HCN1: variants seen among roughly 807,000 people sequenced by gnomAD.
HCN1 encodes the protein hyperpolarization activated cyclic nucleotide gated potassium channel 1.
A neutral mutation model predicts 78.9 loss-of-function variants in HCN1; 13 were observed. That is an observed-to-expected ratio of 0.16 (90% CI 0.11 to 0.26). The LOEUF (loss-of-function observed/expected upper bound fraction) is 0.26. HCN1 is among the 10% of genes least tolerant of loss of function. The pLI is 1.00. For missense variants in HCN1, 810 were observed against 1,154.3 expected (o/e 0.70, Z 4.32); for synonymous variants, 552 against 455.5 (o/e 1.21, Z -2.70).
At chr5:45,666,931 A>G (rs1746062189) in intron 1 of HCN1, among the ~76,000 whole-genome samples, 1 of 152,016 alleles carries the variant, frequency 6.6e-6, no homozygotes. Flanking sequence ...GGGGGTGGGA[A>G]TGATTAAGGA....
chr5:45,563,052 T>A (rs1743636532), intron 2 of HCN1, among the ~76,000 whole-genome samples: 1 of 152,214 alleles, frequency 6.6e-6, no homozygotes, highest in Non-Finnish European at 1.5e-5. Flanking sequence ...CATTTTGAAG[T>A]TTTTTTCTGA....
intron 2 of HCN1, among the ~76,000 whole-genome samples, chr5:45,487,944 A>G (rs1381795993): frequency 6.6e-6 from 1 of 152,158 alleles, no homozygotes; most frequent in Non-Finnish European, 1.5e-5. Context: ...ATAAAACACA[A>G]TGGATTTTCA....
At chr5:45,496,297 C>T (rs1742028327) in intron 2 of HCN1, among the ~76,000 whole-genome samples, 2 of 149,982 alleles carry the variant, frequency 1.3e-5, no homozygotes, top group South Asian at 2.1e-4. Context: ...TTGGTCTATT[C>T]AGAGATTCAA....
chr5:45,373,140 A>G (rs1207982550), intron 4 of HCN1, among the ~76,000 whole-genome samples: 8 of 127,206 alleles, frequency 6.3e-5, no homozygotes, highest in African/African-American at 2.4e-4. Context: ...AATATATAGT[A>G]TATAATATAT....
At position 45,441,517 on chromosome 5, in the gene HCN1, G is replaced by T. The variant is rs376710367; in HGVS notation, c.1011+20329C>A. ...CAAATTGATCCTGTGGTATGGGAAG[G>T]GGTGTTATACCTTGCACATGCAATA... On this transcript the variant is annotated intron_variant, in intron 3 of 7. Coordinates refer to ENST00000303230, the MANE Select transcript of HCN1 (RefSeq NM_021072.4). Among the ~76,000 whole-genome samples, 17 of 152,244 alleles carry T rather than the reference G, an allele frequency of 1.1e-4. 4 individuals are homozygous for T. The highest frequency in any genetic ancestry group is 2.1e-4 in the South Asian group (1 of 4,826).
At chr5:45,439,145 A>G (rs1740622001) in intron 3 of HCN1, among the ~76,000 whole-genome samples, 1 of 152,106 alleles carries the variant, frequency 6.6e-6, no homozygotes, top group Non-Finnish European at 1.5e-5. Flanking sequence ...ATTTAATAAT[A>G]TGATTATCTT....
chr5:45,305,573 G>T (rs1745712823), intron 5 of HCN1, among the ~76,000 whole-genome samples: 1 of 152,130 alleles, frequency 6.6e-6, no homozygotes, highest in Admixed American at 6.6e-5. Flanking sequence ...GATAATTTTA[G>T]CTGATGCATG....
At chr5:45,308,458 TTTAAG>T (rs1210131171) in intron 5 of HCN1, among the ~76,000 whole-genome samples, 1 of 152,152 alleles carries the variant, frequency 6.6e-6, no homozygotes, top group Non-Finnish European at 1.5e-5. Flanking sequence ...GCATATTTTC[TTTAAG>T]TTAACTCTTT....
chr5:45,334,539 A>G (rs1019783951), intron 5 of HCN1, among the ~76,000 whole-genome samples: 1 of 151,392 alleles, frequency 6.6e-6, no homozygotes, highest in African/African-American at 2.4e-5. Context: ...CTTTTTTCCC[A>G]TGTGTTCATG....
intron 3 of HCN1, among the ~76,000 whole-genome samples, chr5:45,448,505 C>T (rs1467871690): frequency 6.6e-6 from 1 of 152,154 alleles, no homozygotes; most frequent in Non-Finnish European, 1.5e-5. Context: ...TTCTCTCATT[C>T]TAAATGTTCT....
chr5:45,483,586 T>C (rs918579961), intron 2 of HCN1, among the ~76,000 whole-genome samples: 1 of 152,206 alleles, frequency 6.6e-6, no homozygotes, highest in Non-Finnish European at 1.5e-5. Context: ...TTTACTTTGT[T>C]GACGGCTTCT....
At chr5:45,420,734 C>G (rs1454586516) in intron 3 of HCN1, among the ~76,000 whole-genome samples, 4 of 151,980 alleles carry the variant, frequency 2.6e-5, no homozygotes, top group African/African-American at 9.7e-5. Flanking sequence ...ACACACACAC[C>G]ATTTACTCCT....
Position 45,288,546 on chromosome 5 carries a change from C to G in HCN1, c.1618+15053G>C, listed in dbSNP as rs376089513. 8.5e-5 allele frequency among the ~76,000 whole-genome samples: 13 copies of G among 152,078 alleles called. No homozygotes were observed. The East Asian group carries it at 2.3e-3, about 27-fold the overall frequency. ...GGGTGTTACACATGTTAGGTCCTAT[C>G]TACGGAAAGAAAACTAGAACCTGGC... On this transcript the variant is annotated intron_variant, in intron 6 of 7. Coordinates refer to ENST00000303230, the MANE Select transcript of HCN1 (RefSeq NM_021072.4).
At position 45,463,011 on chromosome 5, in the gene HCN1, T is replaced by A. The variant is rs111365929; in HGVS notation, c.850-1004A>T. 8.5e-3 allele frequency among the ~76,000 whole-genome samples: 1,287 copies of A among 152,152 alleles called. 25 individuals carry two copies. Among genetic ancestry groups the A allele is most frequent in the African/African-American group, 0.03 (1,261 of 41,568 alleles). On this transcript the variant is annotated intron_variant, in intron 2 of 7. Coordinates refer to ENST00000303230, the MANE Select transcript of HCN1 (RefSeq NM_021072.4). ...AATTGTTAAGGAATTACTGCATTAATAAATACAATTAAATTTGAGTAAGTA... is the reference window on the plus strand; with the variant it reads ...AATTGTTAAGGAATTACTGCATTAAAAAATACAATTAAATTTGAGTAAGTA...
At chr5:45,544,228 TTAAATA>T (rs1284373710) in intron 2 of HCN1, among the ~76,000 whole-genome samples, 1 of 152,090 alleles carries the variant, frequency 6.6e-6, no homozygotes, top group East Asian at 1.9e-4. Flanking sequence ...GTACAGATTA[TTAAATA>T]TAAAGTAGTA....
At chr5:45,582,690 G>A (rs1181653081) in intron 2 of HCN1, among the ~76,000 whole-genome samples, 7 of 152,110 alleles carry the variant, frequency 4.6e-5, no homozygotes, top group African/African-American at 9.7e-5. Flanking sequence ...TTTGAGATAC[G>A]TCCCATCAAT....
At chr5:45,567,045 T>C (rs1413888224) in intron 2 of HCN1, among the ~76,000 whole-genome samples, 1 of 152,218 alleles carries the variant, frequency 6.6e-6, no homozygotes, top group Non-Finnish European at 1.5e-5. Context: ...TGAAATGTTT[T>C]ATAACTTAAT....
intron 5 of HCN1, among the ~76,000 whole-genome samples, chr5:45,317,858 C>G (rs550782600): frequency 1.4e-3 from 220 of 152,260 alleles, no homozygotes; most frequent in African/African-American, 4.0e-3. Context: ...ATCAAAACCA[C>G]AATGAGATAC....
At position 45,696,246 on chromosome 5, in the gene HCN1, T is replaced by G; in HGVS notation, c.-153A>C. 4 of 177,474 alleles carry G rather than the reference T, an allele frequency of 2.3e-5. No individual in the cohort carries two copies. Among genetic ancestry groups the G allele is most frequent in the Non-Finnish European group, 3.2e-5 (3 of 92,682 alleles). 11.0% of individuals were successfully genotyped at this position (177,474 alleles called of 1,614,324 possible). A position where few individuals can be genotyped will look rare whatever the true frequency, so the allele number is the denominator to read the frequency against. On this transcript the variant is annotated 5_prime_UTR_variant, in exon 1 of 8. Transcript: ENST00000303230. ...CGGCGGCGGCGGCGGCGGCTGCTGC[T>G]TCCCGACCGCGCCGCTGCTAGCTGC... is the stretch of plus-strand genomic sequence containing the variant.
Sources: allele counts gnomAD v4.1 joint callset (sites outside exome capture counted in the v4.1 genomes callset), GRCh38; gene constraint gnomAD v4.1.1; transcripts MANE v1.5; gene names NCBI Gene and HGNC (gene_info 2026-07-23, HGNC 2026-07-21).